The following STAB2 variants were observed in gnomAD, a reference collection of about 807,000 sequenced individuals.
The protein encoded by STAB2 is stabilin 2, also known as stabilin-2.
STAB2 carries 288 observed loss-of-function variants against 338.1 expected under a neutral mutation model. The ratio of observed to expected loss-of-function variants is 0.85; its 90% CI spans 0.77 to 0.94. The LOEUF (loss-of-function observed/expected upper bound fraction) is 0.94. Ranked by LOEUF, STAB2 falls within the 40% of genes least tolerant of loss-of-function variation. The pLI is 0.00. For synonymous variants in STAB2, 1,202 were observed against 1,193.3 expected (o/e 1.01, Z -0.15); for missense variants, 3,141 against 3,210.1 (o/e 0.98, Z 0.52).
chr12:103,664,123 G>GTTTT (rs1874862660), intron 18 of STAB2, among the ~76,000 whole-genome samples: 1 of 152,060 alleles, frequency 6.6e-6, no homozygotes, highest in Admixed American at 6.6e-5. Flanking sequence ...GTTTTGTTTT[G>GTTTT]TTTTGTTTTT....
At chr12:103,670,976 G>T (rs1384481633) in intron 22 of STAB2, among the ~76,000 whole-genome samples, 169 bp downstream of exon 22, 1 of 152,122 alleles carries the variant, frequency 6.6e-6, no homozygotes, top group Non-Finnish European at 1.5e-5. Context: ...TGTGTCAGAG[G>T]GCTGATCCCT....
chr12:103,717,547 T>G (rs1880417588), intron 43 of STAB2, among the ~76,000 whole-genome samples: 1 of 152,152 alleles, frequency 6.6e-6, no homozygotes, highest in South Asian at 2.1e-4. Context: ...GCAACAAAGA[T>G]AGGATGTGCA....
intron 43 of STAB2, among the ~76,000 whole-genome samples, chr12:103,717,529 G>C (rs891868276): frequency 6.6e-6 from 1 of 152,106 alleles, no homozygotes; most frequent in Non-Finnish European, 1.5e-5. Context: ...AAAAAAAACG[G>C]TATCTTAGCA....
intron 18 of STAB2, among the ~76,000 whole-genome samples, chr12:103,665,387 C>T (rs1030884545): frequency 2.0e-5 from 3 of 152,104 alleles, no homozygotes; most frequent in African/African-American, 7.2e-5. Context: ...ATGATCCAAA[C>T]GAAGAGATTC....
chr12:103,711,899 C>G (rs1350676484), intron 40 of STAB2, among the ~76,000 whole-genome samples: 17 of 152,176 alleles, frequency 1.1e-4, no homozygotes, highest in Non-Finnish European at 2.9e-5. Context: ...AATTAAGTAC[C>G]TAGTAGTGGA....
At chr12:103,665,671 C>T (rs996750925) in intron 18 of STAB2, among the ~76,000 whole-genome samples, 2 of 152,072 alleles carry the variant, frequency 1.3e-5, no homozygotes, top group Admixed American at 6.6e-5. Flanking sequence ...AGTGACTGGA[C>T]GTTGGCCAAC....
chr12:103,639,084 G>A (rs1957598351), intron 8 of STAB2, among the ~76,000 whole-genome samples: 1 of 152,194 alleles, frequency 6.6e-6, no homozygotes, highest in South Asian at 2.1e-4. Flanking sequence ...AAAAATTCAA[G>A]GGGCTAAATT....
At chr12:103,733,218 G>A in intron 51 of STAB2, 36 bp downstream of exon 51, 1 of 1,602,312 alleles carries the variant, frequency 6.2e-7, no homozygotes, top group Non-Finnish European at 8.5e-7. Context: ...GTGCAAGAAT[G>A]TCCCAGGGTG....
chr12:103,639,087 G>A (rs922444654), intron 8 of STAB2, among the ~76,000 whole-genome samples: 1 of 152,132 alleles, frequency 6.6e-6, no homozygotes, highest in Non-Finnish European at 1.5e-5. Flanking sequence ...AATTCAAGGG[G>A]CTAAATTCCC....
chr12:103,683,061 A>G (rs760894223), intron 25 of STAB2, 144 bp from the exon 26 acceptor site: 9 of 517,782 alleles, frequency 1.7e-5, no homozygotes, highest in Non-Finnish European at 3.0e-5. Context: ...TCTGAAGTGT[A>G]TCAAGCAAAA....
chr12:103,740,193 G>T (rs1042250560), intron 54 of STAB2, among the ~76,000 whole-genome samples: 2 of 152,176 alleles, frequency 1.3e-5, no homozygotes, highest in African/African-American at 4.8e-5. Flanking sequence ...TTATTCCAAA[G>T]TCAAGCTCTT....
intron 38 of STAB2, among the ~76,000 whole-genome samples, chr12:103,707,570 C>T (rs1879475509): frequency 6.6e-6 from 1 of 152,200 alleles, no homozygotes; most frequent in African/African-American, 2.4e-5. Flanking sequence ...AAGACACATG[C>T]TTTAAGTAGT....
intron 39 of STAB2, 114 bp from the exon 40 acceptor site, chr12:103,711,357 C>T: frequency 1.4e-6 from 2 of 1,390,402 alleles, no homozygotes; most frequent in Non-Finnish European, 2.0e-6. Context: ...TTTTATATCG[C>T]TCACATGATA....
chr12:103,589,092 G>T (rs908413187), intron 1 of STAB2, among the ~76,000 whole-genome samples: 1 of 152,170 alleles, frequency 6.6e-6, no homozygotes, highest in African/African-American at 2.4e-5. Flanking sequence ...GATGATACCT[G>T]CCCTACTTAT....
At chr12:103,757,710 G>A (rs1884237147) in intron 63 of STAB2, among the ~76,000 whole-genome samples, 1 of 152,222 alleles carries the variant, frequency 6.6e-6, no homozygotes, top group Non-Finnish European at 1.5e-5. Context: ...GAGCGTGCCA[G>A]GCAAGTCTGA....
intron 61 of STAB2, chr12:103,754,961 A>AT (rs540960701): frequency 0.039 from 8,638 of 218,826 alleles, 389 homozygotes; most frequent in African/African-American, 0.12. Flanking sequence ...AAAAAAAAAA[A>AT]TTTGAGTTCT....
chr12:103,655,333 A>G, intron 14 of STAB2, 26 bp downstream of exon 14: 1 of 1,608,486 alleles, frequency 6.2e-7, no homozygotes, highest in Non-Finnish European at 8.5e-7. Context: ...AATTTTCTGA[A>G]AAATATTTAT....
Position 103,753,260 on chromosome 12 carries a change from C to T in STAB2, c.6621C>T (p.Gly2207=), listed in dbSNP as rs199622913. Residue 2207 remains glycine, a synonymous_variant, in exon 61 of 69, where the codon GGC becomes GGT. Transcript: ENST00000388887. ...VGVFHLRSPL[G]QYKLTFDKAR... The stretch of plus-strand genomic sequence containing the variant: ...TGTTCCATCTACGCTCCCCACTGGG[C>T]CAGTATAAGCTGACCTTTGACAAAG... 5 of 1,614,226 alleles carry T rather than the reference C, an allele frequency of 3.1e-6. No individual in the cohort carries two copies. In the East Asian group the frequency reaches 1.1e-4, roughly 36 times the overall value.
chr12:103,742,077 TATC>T (rs201690592), intron 55 of STAB2, among the ~76,000 whole-genome samples: 2 of 145,922 alleles, frequency 1.4e-5, no homozygotes, highest in African/African-American at 2.8e-5. Flanking sequence ...GCAGACACTG[TATC>T]ATCATTATTA....
Sources: gnomAD v4.1 joint callset for allele counts (sites outside exome capture counted in the v4.1 genomes callset) on GRCh38, gnomAD v4.1.1 for gene constraint, MANE v1.5 for transcripts, NCBI Gene and HGNC (gene_info 2026-07-23, HGNC 2026-07-21) for gene names.